Variants in ANKS1B observed in about 807,000 individuals in gnomAD.
The protein encoded by ANKS1B is ankyrin repeat and sterile alpha motif domain-containing protein 1B.
ANKS1B carries 36 observed loss-of-function variants against 148.3 expected under a neutral mutation model. The ratio of observed to expected loss-of-function variants is 0.24; its 90% CI spans 0.19 to 0.32. The LOEUF (loss-of-function observed/expected upper bound fraction) is 0.32, where lower values mean the gene tolerates loss of function less well. Ranked by LOEUF, ANKS1B falls within the 10% of genes least tolerant of loss-of-function variation. ANKS1B has a pLI of 1.00. For missense variants in ANKS1B, 1,157 were observed against 1,542.6 expected (o/e 0.75, Z 4.19); for synonymous variants, 542 against 560.8 (o/e 0.97, Z 0.47).
chr12:98,875,064 G>C (rs1274738428), intron 17 of ANKS1B, among the ~76,000 whole-genome samples: 1 of 152,168 alleles, frequency 6.6e-6, no homozygotes, highest in East Asian at 1.9e-4. Context: ...TCGAAATACT[G>C]TACCATCTGT....
intron 19 of ANKS1B, among the ~76,000 whole-genome samples, chr12:98,815,426 G>A (rs1847175077): frequency 6.6e-6 from 1 of 152,150 alleles, no homozygotes; most frequent in Admixed American, 6.5e-5. Context: ...CATCCCTGGA[G>A]TGTTAGTCCT....
At position 98,744,686 on chromosome 12, in the gene ANKS1B, T is replaced by G. The variant is rs1207596234; in HGVS notation, c.*1053A>C. 3 of 958,280 alleles carry G rather than the reference T, an allele frequency of 3.1e-6. No individual in the cohort carries two copies. The African/African-American group carries it at 5.3e-5, about 17-fold the overall frequency. 59.4% of individuals were successfully genotyped at this position (958,280 alleles called of 1,614,324 possible). A position where few individuals can be genotyped will look rare whatever the true frequency, so the allele number is the denominator to read the frequency against. On this transcript the variant is annotated 3_prime_UTR_variant, in exon 27 of 27. Transcript: ENST00000683438. ...ATTACTTTGGAATTTCTTCTTTTTTTTTTTTGTATTTATTTTTTCTAGAAA... is the reference window on the plus strand; with the variant it reads ...ATTACTTTGGAATTTCTTCTTTTTTGTTTTTGTATTTATTTTTTCTAGAAA...
At chr12:98,946,450 C>T (rs916526919) in intron 17 of ANKS1B, among the ~76,000 whole-genome samples, 1 of 152,174 alleles carries the variant, frequency 6.6e-6, no homozygotes, top group Non-Finnish European at 1.5e-5. Context: ...TGTGTACAGG[C>T]ACTGCTTTAA....
chr12:99,698,923 T>A (rs2054345519), intron 8 of ANKS1B, among the ~76,000 whole-genome samples: 1 of 152,126 alleles, frequency 6.6e-6, no homozygotes. Context: ...TGTGCTGGAC[T>A]ATCTTATCTA....
intron 17 of ANKS1B, among the ~76,000 whole-genome samples, chr12:98,997,480 C>T (rs1459086986): frequency 2.0e-5 from 3 of 150,594 alleles, no homozygotes; most frequent in African/African-American, 7.3e-5. Flanking sequence ...TGGCTCACTG[C>T]ACTCTCTGCC....
At chr12:99,691,523 G>C (rs1286520745) in intron 8 of ANKS1B, among the ~76,000 whole-genome samples, 5 of 152,166 alleles carry the variant, frequency 3.3e-5, no homozygotes. Flanking sequence ...TCTAGGGCAG[G>C]AGCAAAATGC....
chr12:98,736,752 A>G (rs905236670), intron 9 of ANKS1B, among the ~76,000 whole-genome samples: 2 of 152,180 alleles, frequency 1.3e-5, no homozygotes, highest in African/African-American at 4.8e-5. Flanking sequence ...AGCAGAGACT[A>G]AGAGTTGCAA....
At chr12:99,536,684 A>G (rs1261976282) in intron 9 of ANKS1B, among the ~76,000 whole-genome samples, 1 of 152,198 alleles carries the variant, frequency 6.6e-6, no homozygotes, top group Admixed American at 6.5e-5. Context: ...ATGTTTTGAT[A>G]CAGGCATGCA....
chr12:98,801,147 G>C lies in ANKS1B; in HGVS notation c.3142-22C>G. ...CTGTCTGAAAATGACATTTATTCTAGAGGCAATATGAGCAGTCAGCAAAGT... is the reference window on the plus strand; with the variant it reads ...CTGTCTGAAAATGACATTTATTCTACAGGCAATATGAGCAGTCAGCAAAGT... On this transcript the variant is annotated intron_variant, in intron 20 of 26. Transcript: ENST00000683438. The surrounding 1 kb of genome is among the most constrained non-coding windows in gnomAD (Gnocchi z 5.2). The C allele has an allele frequency of 6.2e-7, 1 of 1,609,564 alleles. No homozygotes were observed. The highest frequency in any genetic ancestry group is 8.5e-7 in the Non-Finnish European group (1 of 1,177,720).
chr12:98,772,877 T>G (rs2098606722), intron 25 of ANKS1B, 165 bp downstream of exon 25: 2 of 682,366 alleles, frequency 2.9e-6, no homozygotes, highest in Admixed American at 6.9e-5. Flanking sequence ...CCTCTCGGTC[T>G]GTGGTACTTT....
At chr12:99,417,913 AG>A (rs1401106092) in intron 11 of ANKS1B, among the ~76,000 whole-genome samples, 1 of 152,228 alleles carries the variant, frequency 6.6e-6, no homozygotes, top group Non-Finnish European at 1.5e-5. Context: ...AGGCTAGGAA[AG>A]GGGTAGGATG....
chr12:98,876,850 TA>T (rs1222699913), intron 17 of ANKS1B, among the ~76,000 whole-genome samples: 1 of 152,234 alleles, frequency 6.6e-6, no homozygotes, highest in Non-Finnish European at 1.5e-5. Flanking sequence ...CATGATATTT[TA>T]GACTGCTTTC....
intron 17 of ANKS1B, among the ~76,000 whole-genome samples, chr12:99,005,702 G>C (rs887976837): frequency 6.6e-6 from 1 of 152,160 alleles, no homozygotes; most frequent in African/African-American, 2.4e-5. Flanking sequence ...TTGTATTCCT[G>C]TTTAGGAATG....
chr12:99,690,369 A>C (rs2098672976), intron 8 of ANKS1B, among the ~76,000 whole-genome samples: 1 of 152,150 alleles, frequency 6.6e-6, no homozygotes, highest in Admixed American at 6.5e-5. Context: ...AGTACCCTAA[A>C]GTCTTAACTC....
At chr12:99,042,496 G>C (rs143028944) in intron 17 of ANKS1B, among the ~76,000 whole-genome samples, 1 of 152,098 alleles carries the variant, frequency 6.6e-6, no homozygotes, top group Non-Finnish European at 1.5e-5. Context: ...AGCCTAAATC[G>C]CTGACCCACA....
At chr12:98,781,499 C>T (rs1344484088) in intron 23 of ANKS1B, 2 of 508,652 alleles carry the variant, frequency 3.9e-6, no homozygotes, top group African/African-American at 3.8e-5. Flanking sequence ...CTTCTTTTCC[C>T]TGACACTAAA....
chr12:99,233,558 A>G, intron 14 of ANKS1B, among the ~76,000 whole-genome samples: 1 of 152,140 alleles, frequency 6.6e-6, no homozygotes, highest in Non-Finnish European at 1.5e-5. Context: ...ACCAATACTG[A>G]TTTGTTTGGC....
intron 11 of ANKS1B, among the ~76,000 whole-genome samples, chr12:99,441,813 T>G (rs1032231719): frequency 6.6e-6 from 1 of 151,894 alleles, no homozygotes; most frequent in African/African-American, 2.4e-5. Flanking sequence ...TACCTCTAGA[T>G]TTCTTCAAAG....
At chr12:99,118,924 A>T (rs1352313457) in intron 15 of ANKS1B, among the ~76,000 whole-genome samples, 1 of 152,168 alleles carries the variant, frequency 6.6e-6, no homozygotes, top group Non-Finnish European at 1.5e-5. Context: ...TCTCGGGGTA[A>T]CAACAATAGC....
Sources: gnomAD v4.1 joint callset for allele counts (sites outside exome capture counted in the v4.1 genomes callset) on GRCh38, gnomAD v4.1.1 for gene constraint, Gnocchi (gnomAD v3.1) non-coding constraint, MANE v1.5 for transcripts, NCBI Gene and HGNC (gene_info 2026-07-23, HGNC 2026-07-21) for gene names.